Variants in SYN3 observed in about 807,000 individuals in gnomAD.
The protein encoded by SYN3 is synapsin III.
In SYN3, 35 loss-of-function variants were observed where a neutral mutation model predicts 65.8. That is an observed-to-expected ratio of 0.53 (90% confidence interval 0.41 to 0.70). SYN3 has a LOEUF of 0.70. SYN3 is among the 30% of genes least tolerant of loss of function. The pLI, the probability that SYN3 is intolerant of heterozygous loss-of-function variation, is 0.00. For synonymous variants in SYN3, 270 were observed against 292.9 expected (o/e 0.92, Z 0.80); for missense variants, 680 against 749.0 (o/e 0.91, Z 1.08).
intron 1 of SYN3, among the ~76,000 whole-genome samples, chr22:33,035,350 C>G: frequency 7.4e-6 from 1 of 135,082 alleles, no homozygotes; most frequent in African/African-American, 2.9e-5. Context: ...CCCCCGCCAC[C>G]AAACTTCTTA....
chr22:32,602,422 G>A (rs763512737), intron 6 of SYN3, among the ~76,000 whole-genome samples: 3 of 151,824 alleles, frequency 2.0e-5, no homozygotes, highest in Non-Finnish European at 4.4e-5. Flanking sequence ...AATAAAGATA[G>A]TTCTATCCCG....
intron 6 of SYN3, among the ~76,000 whole-genome samples, chr22:32,763,239 C>T (rs767716900): frequency 5.3e-5 from 8 of 151,984 alleles, no homozygotes; most frequent in African/African-American, 1.5e-4. Flanking sequence ...CTCCGCCTCC[C>T]GGGTTCACGC....
At chr22:32,576,577 A>G (rs1007200874) in intron 7 of SYN3, among the ~76,000 whole-genome samples, 4 of 151,886 alleles carry the variant, frequency 2.6e-5, no homozygotes, top group African/African-American at 9.7e-5. Context: ...CCTTCAAGCC[A>G]TTTTTTCTTG....
intron 2 of SYN3, among the ~76,000 whole-genome samples, chr22:32,998,846 C>G (rs939754348): frequency 1.4e-5 from 2 of 147,692 alleles, no homozygotes. Context: ...CAAATAGCAG[C>G]CTTACAGTGA....
At chr22:32,754,633 G>C (rs993792182) in intron 6 of SYN3, among the ~76,000 whole-genome samples, 8 of 152,084 alleles carry the variant, frequency 5.3e-5, no homozygotes, top group Non-Finnish European at 1.5e-5. Context: ...TCCTCCACCC[G>C]GCTCCCCCTT....
chr22:32,661,837 A>G (rs2060221385), intron 6 of SYN3, among the ~76,000 whole-genome samples: 1 of 152,220 alleles, frequency 6.6e-6, no homozygotes, highest in Admixed American at 6.5e-5. Flanking sequence ...TGAGGCCTCA[A>G]GAGGGGACGT....
At chr22:32,530,943 G>A (rs1411910267) in intron 10 of SYN3, among the ~76,000 whole-genome samples, 1 of 151,782 alleles carries the variant, frequency 6.6e-6, no homozygotes, top group African/African-American at 2.4e-5. Flanking sequence ...GAGTGTCGGA[G>A]GTTGCAGTGA....
chr22:32,985,124 T>C (rs1030414575), intron 2 of SYN3, among the ~76,000 whole-genome samples: 4 of 152,152 alleles, frequency 2.6e-5, no homozygotes, highest in African/African-American at 9.7e-5. Context: ...TTTCCACACC[T>C]AGGAAATGAG....
chr22:32,807,680 AAG>A (rs2046802298), intron 6 of SYN3, among the ~76,000 whole-genome samples: 2 of 150,868 alleles, frequency 1.3e-5, no homozygotes, highest in Non-Finnish European at 2.9e-5. Flanking sequence ...GCCTGTATTT[AAG>A]CCCCTTCACC....
chr22:32,869,148 T>C, intron 4 of SYN3, 23 bp from the exon 5 acceptor site: 2 of 1,607,162 alleles, frequency 1.2e-6, no homozygotes, highest in Non-Finnish European at 1.7e-6. Flanking sequence ...ACAGCAGTGT[T>C]ACCACACTGG....
chr22:32,591,545 C>T (rs2059128026), intron 7 of SYN3, among the ~76,000 whole-genome samples: 1 of 152,180 alleles, frequency 6.6e-6, no homozygotes, highest in African/African-American at 2.4e-5. Flanking sequence ...ACCTATATGA[C>T]AAAAATAGAT....
At chr22:32,807,820 G>T (rs2046806064) in intron 6 of SYN3, among the ~76,000 whole-genome samples, 1 of 151,858 alleles carries the variant, frequency 6.6e-6, no homozygotes, top group African/African-American at 2.4e-5. Context: ...AATAGTTCCT[G>T]CCAATTTGGC....
At chr22:32,715,695 C>T (rs1427820089) in intron 6 of SYN3, among the ~76,000 whole-genome samples, 1 of 146,674 alleles carries the variant, frequency 6.8e-6, no homozygotes, top group African/African-American at 2.5e-5. Flanking sequence ...CAGAGAATTG[C>T]TTGAACTCGG....
chr22:32,996,522 G>A (rs1349480000), intron 2 of SYN3, among the ~76,000 whole-genome samples: 1 of 152,072 alleles, frequency 6.6e-6, no homozygotes, highest in African/African-American at 2.4e-5. Flanking sequence ...ACAGTGAGTG[G>A]CTGGGACTTC....
intron 6 of SYN3, among the ~76,000 whole-genome samples, chr22:32,794,280 T>C (rs1237825657): frequency 6.6e-6 from 1 of 152,180 alleles, no homozygotes; most frequent in Non-Finnish European, 1.5e-5. Flanking sequence ...AAGCTCTCTG[T>C]GACTATCAGG....
intron 6 of SYN3, among the ~76,000 whole-genome samples, chr22:32,695,412 T>C (rs2060722473): frequency 6.6e-6 from 1 of 152,204 alleles, no homozygotes; most frequent in South Asian, 2.1e-4. Context: ...CGTCTTGTTG[T>C]GTTCTGTTAT....
At chr22:33,031,579 G>C (rs1414530150) in intron 1 of SYN3, among the ~76,000 whole-genome samples, 4 of 151,780 alleles carry the variant, frequency 2.6e-5, no homozygotes, top group Non-Finnish European at 5.9e-5. Context: ...TAATCCTTCT[G>C]TGTCCCCCTG....
At chr22:32,973,599 T>C (rs1304582417) in intron 3 of SYN3, among the ~76,000 whole-genome samples, 1 of 152,186 alleles carries the variant, frequency 6.6e-6, no homozygotes, top group Non-Finnish European at 1.5e-5. Context: ...ACAGTTTCTG[T>C]GTAGACCAAG....
intron 6 of SYN3, among the ~76,000 whole-genome samples, chr22:32,750,026 G>GGTA (rs947718883): frequency 1.2e-4 from 18 of 152,226 alleles, no homozygotes; most frequent in Middle Eastern, 3.4e-3. Context: ...TATCAAGAGT[G>GGTA]GTATCTTTTA....
Sources: allele counts gnomAD v4.1 joint callset (sites outside exome capture counted in the v4.1 genomes callset), GRCh38; gene constraint gnomAD v4.1.1; transcripts MANE v1.5; gene names NCBI Gene and HGNC (gene_info 2026-07-23, HGNC 2026-07-21).